Variants in TUBD1 observed in about 807,000 individuals in gnomAD.
The protein encoded by TUBD1 is tubulin delta 1.
In TUBD1, 38 loss-of-function variants were observed where a neutral mutation model predicts 51.2. That is an observed-to-expected ratio of 0.74 (90% CI 0.57 to 0.97). The LOEUF (loss-of-function observed/expected upper bound fraction) is 0.97. TUBD1 is among the 50% of genes least tolerant of loss of function. The pLI is 0.00. For missense variants in TUBD1, 489 were observed against 538.4 expected (o/e 0.91, Z 0.91); for synonymous variants, 169 against 178.2 (o/e 0.95, Z 0.41).
chr17:59,886,269 A>C (rs1163874231), intron 2 of TUBD1, 39 bp from the exon 3 acceptor site: 1 of 1,589,574 alleles, frequency 6.3e-7, no homozygotes, highest in Non-Finnish European at 8.5e-7. Flanking sequence ...CGAAAGAAAA[A>C]AAGATTTATT....
intron 6 of TUBD1, among the ~76,000 whole-genome samples, chr17:59,871,550 G>C (rs1175971392): frequency 1.3e-5 from 2 of 152,094 alleles, no homozygotes; most frequent in Non-Finnish European, 2.9e-5. Flanking sequence ...TACTCTCTTA[G>C]GGAGCTCCTG....
intron 6 of TUBD1, among the ~76,000 whole-genome samples, chr17:59,869,938 G>T (rs2039901743): frequency 6.6e-6 from 1 of 152,036 alleles, no homozygotes; most frequent in South Asian, 2.1e-4. Flanking sequence ...AGAAAAAAAG[G>T]AACAGGAGAG....
chr17:59,889,685 AAAG>A, intron 2 of TUBD1, among the ~76,000 whole-genome samples: 1 of 149,924 alleles, frequency 6.7e-6, no homozygotes, highest in South Asian at 2.1e-4. Context: ...AAAAAAAAAA[AAAG>A]AAAAAGAAAA....
rs767904487 is a variant in TUBD1 at position 59,878,174 on chromosome 17, T to A, written c.698A>T (p.His233Leu). The A allele has an allele frequency of 8.2e-5, 133 of 1,614,194 alleles. No individual in the cohort carries two copies. The highest frequency in any genetic ancestry group is 6.6e-4 in the Middle Eastern group (4 of 6,062). The change falls in exon 5 of 9, where the codon CAT becomes CTT. Residue 233 changes from histidine (H) to leucine (L), a missense_variant. Coordinates refer to ENST00000325752, the MANE Select transcript of TUBD1 (RefSeq NM_016261.4). ...AGGCTGGAACACACTTCCCAGCTGATGTGCGAGGACTTGATTGATATCACT... is the reference window on the plus strand; with the variant it reads ...AGGCTGGAACACACTTCCCAGCTGAAGTGCGAGGACTTGATTGATATCACT... ...SFSDINQVLA[H>L]QLGSVFQPTY...
chr17:59,881,213 C>T (rs1010349974), intron 3 of TUBD1, 103 bp from the exon 4 acceptor site: 48 of 968,736 alleles, frequency 5.0e-5, no homozygotes, highest in Middle Eastern at 5.0e-4. Flanking sequence ...TTCAAAACTA[C>T]GGAAGTGAAG....
rs537654105 is a variant in TUBD1, at chr17:59,878,773, C to T, written c.538-439G>A. ...GGATTATAGGCGTGAGCCACCGAGC[C>T]CAACCAGTTTCCTCATTTGTAATGG... On this transcript the variant is annotated intron_variant, in intron 4 of 8. Coordinates refer to ENST00000325752, the MANE Select transcript of TUBD1 (RefSeq NM_016261.4). The T allele has an allele frequency of 1.1e-3, 178 of 162,732 alleles. 1 individual carries two copies. Among genetic ancestry groups the T allele is most frequent in the African/African-American group, 4.1e-3 (169 of 41,614 alleles). 10.1% of individuals were successfully genotyped at this position (162,732 alleles called of 1,614,324 possible).
At chr17:59,861,731 C>A (rs2039455048) in intron 8 of TUBD1, among the ~76,000 whole-genome samples, 1 of 151,492 alleles carries the variant, frequency 6.6e-6, no homozygotes, top group South Asian at 2.1e-4. Context: ...GCAGTGGCAT[C>A]ATCTTGGCTC....
intron 2 of TUBD1, 104 bp downstream of exon 2, chr17:59,890,727 C>T: frequency 1.1e-6 from 1 of 945,538 alleles, no homozygotes; most frequent in East Asian, 2.7e-5. Flanking sequence ...AAGTAATTCC[C>T]TAGTGAGATG....
chr17:59,884,885 T>A (rs997193119), intron 3 of TUBD1: 12 of 192,502 alleles, frequency 6.2e-5, no homozygotes, highest in Non-Finnish European at 1.1e-4. Context: ...ATCATGCCAC[T>A]GCACTCCAGC....
intron 6 of TUBD1, among the ~76,000 whole-genome samples, chr17:59,870,033 A>G (rs554938301): frequency 2.0e-5 from 3 of 152,074 alleles, no homozygotes; most frequent in South Asian, 4.1e-4. Context: ...TTTGCCCACA[A>G]TTGAGGTCCT....
chr17:59,878,364 G>T, intron 4 of TUBD1, 30 bp from the exon 5 acceptor site: 1 of 1,501,350 alleles, frequency 6.7e-7, no homozygotes, highest in South Asian at 1.1e-5. Flanking sequence ...AAAAAAGAAA[G>T]GTAGGAGAGA....
At chr17:59,889,141 A>G (rs1202015960) in intron 2 of TUBD1, among the ~76,000 whole-genome samples, 7 of 145,890 alleles carry the variant, frequency 4.8e-5, no homozygotes, top group Non-Finnish European at 7.5e-5. Context: ...ACCCTCCCGA[A>G]TAACTGGGAT....
At chr17:59,886,420 C>T (rs1393067192) in intron 2 of TUBD1, 190 bp from the exon 3 acceptor site, 5 of 568,830 alleles carry the variant, frequency 8.8e-6, no homozygotes, top group Admixed American at 3.4e-5. Context: ...AGATGTTCAC[C>T]AAGCCCAGCA....
At chr17:59,864,529 A>G (rs1259703530) in intron 7 of TUBD1, among the ~76,000 whole-genome samples, 2 of 151,940 alleles carry the variant, frequency 1.3e-5, no homozygotes, top group Non-Finnish European at 2.9e-5. Context: ...TTGAGACAGG[A>G]TCTTGGTCTG....
intron 6 of TUBD1, among the ~76,000 whole-genome samples, chr17:59,871,076 G>A (rs1256359246): frequency 6.6e-6 from 1 of 152,224 alleles, no homozygotes; most frequent in Non-Finnish European, 1.5e-5. Context: ...CAGCAACGCT[G>A]CAAGTGAGAA....
intron 3 of TUBD1, among the ~76,000 whole-genome samples, chr17:59,883,080 C>T (rs1483117273): frequency 1.3e-5 from 2 of 151,408 alleles, no homozygotes; most frequent in Middle Eastern, 3.2e-3. Context: ...CCACCATACC[C>T]AGCCGCCCGG....
chr17:59,886,240 G>GA lies in TUBD1; in HGVS notation c.173-11dup. 7 of 1,557,138 alleles carry GA rather than the reference G, an allele frequency of 4.5e-6. No individual in the cohort carries two copies. Among genetic ancestry groups the GA allele is most frequent in the East Asian group, 4.7e-5 (2 of 42,528 alleles). On this transcript the variant is annotated splice_polypyrimidine_tract_variant and intron_variant, in intron 2 of 8. Transcript: ENST00000325752. ...GCCCGGGCAATTGGAACTAGAGGGG[G>GA]AAAAAAACCCAAAAACATCGAAAGA...
At chr17:59,860,550 G>A (rs2039393573) in intron 8 of TUBD1, 126 bp from the exon 9 acceptor site, 1 of 627,604 alleles carries the variant, frequency 1.6e-6, no homozygotes, top group East Asian at 2.8e-5. Context: ...TCGTTCAGAA[G>A]TCTTACATTT....
intron 2 of TUBD1, among the ~76,000 whole-genome samples, 179 bp downstream of exon 2, chr17:59,890,652 A>AT (rs2040957343): frequency 6.6e-6 from 1 of 152,238 alleles, no homozygotes; most frequent in Non-Finnish European, 1.5e-5. Flanking sequence ...AGATCTGAGC[A>AT]TGCAGAAGGG....
Sources: allele counts gnomAD v4.1 joint callset (sites outside exome capture counted in the v4.1 genomes callset), GRCh38; gene constraint gnomAD v4.1.1; transcripts MANE v1.5; gene names NCBI Gene and HGNC (gene_info 2026-07-23, HGNC 2026-07-21).